The following OR4C3 variants were observed in gnomAD, a reference collection of about 807,000 sequenced individuals.
OR4C3 encodes olfactory receptor family 4 subfamily C member 3.
For synonymous variants in OR4C3, 186 were observed against 140.1 expected (o/e 1.33, Z -2.31); for missense variants, 439 against 360.7 (o/e 1.22, Z -1.76).
rs747652616 is a variant in OR4C3 at position 48,325,458 on chromosome 11, C to T, written c.437C>T (p.Ala146Val). ...RHLCAMLVGV[A>V]WLGGFLHSLV... ...CTCTGTGCCATGCTTGTAGGGGTGG[C>T]TTGGCTTGGGGGCTTCCTGCATTCA... Residue 146 changes from alanine to valine, a missense_variant, in exon 1 of 1, where the codon GCT becomes GTT. Ala to Val is a moderately conservative substitution (Grantham distance 64). Coordinates refer to ENST00000319856, the MANE Select transcript of OR4C3 (RefSeq NM_001004702.2). The T allele has an allele frequency of 1.2e-6, 2 of 1,613,654 alleles. No individual in the cohort carries two copies. Among genetic ancestry groups the T allele is most frequent in the South Asian group, 1.1e-5 (1 of 90,984 alleles).
chr11:48,325,410 A>G lies in OR4C3; in HGVS notation c.389A>G (p.Asn130Ser), dbSNP rs74589050. The change falls in exon 1 of 1, where the codon AAT (asparagine) becomes AGT (serine). Residue 130 changes from asparagine (N) to serine (S), a missense_variant. Transcript: ENST00000319856. ...RYVAICKPLH[N>S]TTIMTRHLCA... ...GTGGCCATCTGTAAGCCCCTGCACA[A>G]TACTACCATCATGACCAGGCATCTC... 6.2e-7 allele frequency: 1 copy of G among 1,614,052 alleles called. No homozygotes were observed. The highest frequency in any genetic ancestry group is 1.1e-5 in the South Asian group (1 of 91,050).
Position 48,324,944 on chromosome 11 carries a change from C to T in OR4C3, c.-78C>T, listed in dbSNP as rs1442684596. ...AAACTTGCAATGTTTTTCCCCCATG[C>T]AATTAGTTCTATTACTTATGTTTCT... On this transcript the variant is annotated 5_prime_UTR_variant, in exon 1 of 1. The change creates a premature stop within an existing upstream ORF in the 5' untranslated region. Transcript: ENST00000319856. 5 of 1,581,038 alleles carry T rather than the reference C, an allele frequency of 3.2e-6. No individual in the cohort carries two copies. The highest frequency in any genetic ancestry group is 4.3e-6 in the Non-Finnish European group (5 of 1,164,704).
Position 48,325,294 on chromosome 11 carries a change from T to C in OR4C3, c.273T>C (p.Ser91=). The C allele has an allele frequency of 6.2e-7, 1 of 1,614,230 alleles. No individual in the cohort carries two copies. Among genetic ancestry groups the C allele is most frequent in the Non-Finnish European group, 8.5e-7 (1 of 1,180,026 alleles). Residue 91 remains serine, a synonymous_variant, in exon 1 of 1, where the codon TCT becomes TCC. Transcript: ENST00000319856. ...ADSLYEGRTI[S]YECCMAQLFG... ...CATTGTATGAGGGGAGAACCATCTC[T>C]TATGAGTGCTGCATGGCTCAGCTCT...
Position 48,325,016 on chromosome 11 carries a change from G to A in OR4C3, c.-6G>A. 1.2e-6 allele frequency: 2 copies of A among 1,613,884 alleles called. No individual in the cohort carries two copies. Reference sequence around the variant, plus strand: ...TGCACCTGCATTCTCAGTGACCTTGGAATCTATGGACATACCACAAAATAT... The same window carrying A: ...TGCACCTGCATTCTCAGTGACCTTGAAATCTATGGACATACCACAAAATAT... On this transcript the variant is annotated 5_prime_UTR_variant, in exon 1 of 1. Coordinates refer to ENST00000319856, the MANE Select transcript of OR4C3 (RefSeq NM_001004702.2).
rs142816874 is a variant in OR4C3, at chr11:48,325,233, A to G, written c.212A>G (p.Tyr71Cys). 4.3e-6 allele frequency: 7 copies of G among 1,613,894 alleles called. No homozygotes were observed. Among genetic ancestry groups the G allele is most frequent in the Non-Finnish European group, 5.9e-6 (7 of 1,179,970 alleles). ...AACCTATCCTTTATTGACACCTTTT[A>G]TTCTTCTTCTATGGCTCCTAAACTC... The part of the protein sequence containing the change: ...LANLSFIDTF[Y>C]SSSMAPKLIA... The change falls in exon 1 of 1, where the codon TAT (tyrosine) becomes TGT (cysteine). Residue 71 changes from tyrosine (Y) to cysteine (C), a missense_variant. By Grantham distance (194) the Tyr-to-Cys change is radical (BLOSUM62 -2). Coordinates refer to ENST00000319856, the MANE Select transcript of OR4C3 (RefSeq NM_001004702.2).
At position 48,325,534 on chromosome 11, in the gene OR4C3, G is replaced by A. The variant is rs1289752335; in HGVS notation, c.513G>A (p.Val171=). The change falls in exon 1 of 1, where the codon GTG becomes GTA. Residue 171 remains valine, a synonymous_variant. Transcript: ENST00000319856. ...VLWLPFCGPN[V]INHFACDLYP... is the part of the protein sequence containing the mutation. ...GGTTGCCCTTCTGTGGGCCCAATGT[G>A]ATCAATCACTTTGCCTGTGACTTGT... 1.2e-6 allele frequency: 2 copies of A among 1,613,802 alleles called. No homozygotes were observed. Among genetic ancestry groups the A allele is most frequent in the Admixed American group, 1.7e-5 (1 of 60,000 alleles).
Position 48,325,177 on chromosome 11 carries a change from G to A in OR4C3, c.156G>A (p.Thr52=), listed in dbSNP as rs73463990. ...TGGTCACTATCACCTCCAGCCCCAC[G>A]CTGGCTTCCCCTGTGTATTTTTTCC... The part of the protein sequence containing the change: ...LIVVTITSSP[T]LASPVYFFLA... The change falls in exon 1 of 1, where the codon ACG becomes ACA. Residue 52 remains threonine, a synonymous_variant. Coordinates refer to ENST00000319856, the MANE Select transcript of OR4C3 (RefSeq NM_001004702.2). 22 of 1,614,128 alleles carry A rather than the reference G, an allele frequency of 1.4e-5. No homozygotes were observed. The highest frequency in any genetic ancestry group is 1.6e-4 in the Middle Eastern group (1 of 6,062).
Position 48,325,950 on chromosome 11 carries a change from G to A in OR4C3, c.*20G>A, listed in dbSNP as rs1852214595. 1 of 1,481,086 alleles carries A rather than the reference G, an allele frequency of 6.8e-7. No individual in the cohort carries two copies. The highest frequency in any genetic ancestry group is 8.9e-7 in the Non-Finnish European group (1 of 1,121,782). 91.7% of individuals were successfully genotyped at this position (1,481,086 alleles called of 1,614,324 possible). ...TGGTAAGAAATTGCAGGTGGAAAAT[G>A]AGTGGTAAAGCAGGAAATAAAAATG... On this transcript the variant is annotated 3_prime_UTR_variant, in exon 1 of 1. Transcript: ENST00000319856.
Position 48,325,306 on chromosome 11 carries a change from C to T in OR4C3, c.285C>T (p.Cys95=), listed in dbSNP as rs758655627. 1.2e-6 allele frequency: 2 copies of T among 1,614,158 alleles called. No homozygotes were observed. The highest frequency in any genetic ancestry group is 1.7e-5 in the Admixed American group (1 of 60,008). The part of the protein sequence containing the change: ...YEGRTISYEC[C]MAQLFGAHFL... Reference sequence around the variant, plus strand: ...GGAGAACCATCTCTTATGAGTGCTGCATGGCTCAGCTCTTTGGAGCTCATT... The same window carrying T: ...GGAGAACCATCTCTTATGAGTGCTGTATGGCTCAGCTCTTTGGAGCTCATT... The change falls in exon 1 of 1, where the codon TGC becomes TGT. Residue 95 remains cysteine (C), a synonymous_variant. Transcript: ENST00000319856.
In OR4C3 at chr11:48,325,652, A is replaced by T. The variant is rs772653692; in HGVS notation, c.631A>T (p.Met211Leu). ...SGLICLLNFL[M>L]LAASYIVILY... ...TTTAATCTGCCTGTTGAACTTCCTC[A>T]TGCTGGCTGCCTCCTACATTGTCAT... Residue 211 changes from methionine (M) to leucine (L), a missense_variant, in exon 1 of 1, where the codon ATG becomes TTG. Transcript: ENST00000319856. 6.2e-7 allele frequency: 1 copy of T among 1,614,048 alleles called. No individual in the cohort carries two copies. The highest frequency in any genetic ancestry group is 1.1e-5 in the South Asian group (1 of 91,070).
rs61744624 is a variant in OR4C3 at position 48,325,394 on chromosome 11, T to C, written c.373T>C (p.Cys125Arg). ...VMAYDRYVAI[C>R]KPLHNTTIMT... ...GGCTTATGACCGCTATGTGGCCATC[T>C]GTAAGCCCCTGCACAATACTACCAT... is the stretch of plus-strand genomic sequence containing the variant. The change falls in exon 1 of 1, where the codon TGT becomes CGT. Residue 125 changes from cysteine (C) to arginine (R), a missense_variant. By Grantham distance (180) the Cys-to-Arg change is radical (BLOSUM62 -3). Transcript: ENST00000319856. 3.2e-4 allele frequency: 516 copies of C among 1,614,146 alleles called. 2 individuals carry two copies. In the African/African-American group the frequency reaches 5.9e-3, roughly 19 times the overall value.
At position 48,325,106 on chromosome 11, in the gene OR4C3, T is replaced by A; in HGVS notation, c.85T>A (p.Phe29Ile). 6.2e-7 allele frequency: 1 copy of A among 1,614,176 alleles called. No homozygotes were observed. ...GGTACAGAGAGTTCTCTTTGTGGTC[T>A]TTTTGCTGATCTATGTGGTCACGGT... ...SEVQRVLFVV[F>I]LLIYVVTVCG... is the part of the protein sequence containing the mutation. The change falls in exon 1 of 1, where the codon TTT becomes ATT. Residue 29 changes from phenylalanine to isoleucine, a missense_variant. Physicochemically the swap from Phe to Ile is conservative, Grantham distance 21 (BLOSUM62 0). Coordinates refer to ENST00000319856, the MANE Select transcript of OR4C3 (RefSeq NM_001004702.2).
At position 48,325,006 on chromosome 11, in the gene OR4C3, A is replaced by G. The variant is rs1291765046; in HGVS notation, c.-16A>G. The G allele has an allele frequency of 5.0e-6, 8 of 1,613,074 alleles. No individual in the cohort carries two copies. The South Asian group carries it at 8.8e-5, about 18-fold the overall frequency. ...TAGGCAATACTGCACCTGCATTCTC[A>G]GTGACCTTGGAATCTATGGACATAC... is the stretch of plus-strand genomic sequence containing the variant. On this transcript the variant is annotated 5_prime_UTR_variant, in exon 1 of 1. Coordinates refer to ENST00000319856, the MANE Select transcript of OR4C3 (RefSeq NM_001004702.2).
Position 48,325,736 on chromosome 11 carries a change from G to A in OR4C3, c.715G>A (p.Gly239Arg), listed in dbSNP as rs139211452. The part of the protein sequence containing the change: ...DGRCKALSTC[G>R]AHFIVVALFF... ...GAGATGCAAAGCCCTCTCCACCTGT[G>A]GAGCCCACTTCATTGTTGTTGCCTT... The change falls in exon 1 of 1, where the codon GGA (glycine) becomes AGA (arginine). Residue 239 changes from glycine to arginine, a missense_variant. Gly to Arg is a moderately radical substitution (Grantham distance 125). Coordinates refer to ENST00000319856, the MANE Select transcript of OR4C3 (RefSeq NM_001004702.2). 2.1e-4 allele frequency: 334 copies of A among 1,613,622 alleles called. No individual in the cohort carries two copies. The highest frequency in any genetic ancestry group is 2.6e-4 in the Non-Finnish European group (302 of 1,179,846).
chr11:48,325,235 T>C lies in OR4C3; in HGVS notation c.214T>C (p.Ser72Pro), dbSNP rs368019355. ...ANLSFIDTFY[S>P]SSMAPKLIAD... ...CCTATCCTTTATTGACACCTTTTAT[T>C]CTTCTTCTATGGCTCCTAAACTCAT... is the stretch of plus-strand genomic sequence containing the variant. The change falls in exon 1 of 1, where the codon TCT becomes CCT. Residue 72 changes from serine (S) to proline (P), a missense_variant. Transcript: ENST00000319856. 3 of 1,614,022 alleles carry C rather than the reference T, an allele frequency of 1.9e-6. No homozygotes were observed. The highest frequency in any genetic ancestry group is 2.7e-5 in the African/African-American group (2 of 74,902).
Position 48,325,536 on chromosome 11 carries a change from T to C in OR4C3, c.515T>C (p.Ile172Thr). The change falls in exon 1 of 1, where the codon ATC (isoleucine) becomes ACC (threonine). Residue 172 changes from isoleucine to threonine, a missense_variant. Ile to Thr is a moderately conservative substitution (Grantham distance 89, BLOSUM62 -1). Coordinates refer to ENST00000319856, the MANE Select transcript of OR4C3 (RefSeq NM_001004702.2). ...LWLPFCGPNV[I>T]NHFACDLYPL... is the part of the protein sequence containing the mutation. ...TTGCCCTTCTGTGGGCCCAATGTGA[T>C]CAATCACTTTGCCTGTGACTTGTAC... 1 of 1,613,834 alleles carries C rather than the reference T, an allele frequency of 6.2e-7. No individual in the cohort carries two copies. Among genetic ancestry groups the C allele is most frequent in the Non-Finnish European group, 8.5e-7 (1 of 1,179,856 alleles).
In OR4C3 at chr11:48,325,889, G is replaced by C; in HGVS notation, c.868G>C (p.Glu290Gln). Residue 290 changes from glutamate to glutamine, a missense_variant, in exon 1 of 1, where the codon GAA becomes CAA. Transcript: ENST00000319856. ...TCCACTCATTTATACCCTGAGAAATGAAGAGGTAAAAAATGCCATGAGAAA... is the reference window on the plus strand; with the variant it reads ...TCCACTCATTTATACCCTGAGAAATCAAGAGGTAAAAAATGCCATGAGAAA... Reference protein sequence around the residue: ...LNPLIYTLRNEEVKNAMRKLF... With the variant: ...LNPLIYTLRNQEVKNAMRKLF... 6.6e-7 allele frequency: 1 copy of C among 1,516,522 alleles called. No homozygotes were observed. The highest frequency in any genetic ancestry group is 8.8e-7 in the Non-Finnish European group (1 of 1,135,312). 93.9% of individuals were successfully genotyped at this position (1,516,522 alleles called of 1,614,324 possible).
chr11:48,325,621 C>G lies in OR4C3; in HGVS notation c.600C>G (p.Asn200Lys), dbSNP rs148046794. The G allele has an allele frequency of 1.2e-6, 2 of 1,614,106 alleles. No individual in the cohort carries two copies. The highest frequency in any genetic ancestry group is 1.7e-6 in the Non-Finnish European group (2 of 1,180,008). The change falls in exon 1 of 1, where the codon AAC (asparagine) becomes AAG (lysine). Residue 200 changes from asparagine (N) to lysine (K), a missense_variant. Transcript: ENST00000319856. The stretch of plus-strand genomic sequence containing the variant: ...TCATTGGTCTGCTGGTGGTTGCCAA[C>G]AGTGGTTTAATCTGCCTGTTGAACT... ...TYVIGLLVVA[N>K]SGLICLLNFL...
chr11:48,325,034 C>G lies in OR4C3; in HGVS notation c.13C>G (p.Gln5Glu). ...GACCTTGGAATCTATGGACATACCA[C>G]AAAATATCACAGAATTTTTCATGCT... Reference protein sequence around the residue: MDIPQNITEFFMLGL... With the variant: MDIPENITEFFMLGL... Residue 5 changes from glutamine to glutamate, a missense_variant, in exon 1 of 1, where the codon CAA becomes GAA. Gln to Glu is a conservative substitution (Grantham distance 29). Coordinates refer to ENST00000319856, the MANE Select transcript of OR4C3 (RefSeq NM_001004702.2). The G allele has an allele frequency of 6.2e-7, 1 of 1,614,134 alleles. No individual in the cohort carries two copies. Among genetic ancestry groups the G allele is most frequent in the Non-Finnish European group, 8.5e-7 (1 of 1,179,978 alleles).
Sources: gnomAD v4.1 joint callset for allele counts on GRCh38, gnomAD v4.1.1 for gene constraint, MANE v1.5 for transcripts, NCBI Gene and HGNC (gene_info 2026-07-23, HGNC 2026-07-21) for gene names.